Variants in BMPR1B observed in about 807,000 individuals in gnomAD.
BMPR1B encodes bone morphogenetic protein receptor type-1B.
A neutral mutation model predicts 59.1 loss-of-function variants in BMPR1B; 12 were observed. That is an observed-to-expected ratio of 0.20 (90% CI 0.13 to 0.33). The LOEUF (loss-of-function observed/expected upper bound fraction) is 0.33, where lower values mean the gene tolerates loss of function less well. Ranked by LOEUF, BMPR1B falls within the 10% of genes least tolerant of loss-of-function variation. The pLI is 1.00. For synonymous variants in BMPR1B, 237 were observed against 207.3 expected (o/e 1.14, Z -1.23); for missense variants, 550 against 610.9 (o/e 0.90, Z 1.05).
intron 2 of BMPR1B, among the ~76,000 whole-genome samples, chr4:94,958,178 A>G (rs1332609388): frequency 6.6e-6 from 1 of 152,320 alleles, no homozygotes; most frequent in East Asian, 1.9e-4. Flanking sequence ...TCTAGCATGT[A>G]TCTGTGAGAC....
intron 3 of BMPR1B, among the ~76,000 whole-genome samples, chr4:95,069,022 T>A (rs1211316116): frequency 6.6e-6 from 1 of 152,132 alleles, no homozygotes; most frequent in African/African-American, 2.4e-5. Context: ...GAAGCTTAGG[T>A]TTTTACCAAT....
In BMPR1B at chr4:95,063,930, A is replaced by G. The variant is rs992673559; in HGVS notation, c.-17-40478A>G. 4.6e-5 allele frequency among the ~76,000 whole-genome samples: 7 copies of G among 152,186 alleles called. No homozygotes were observed. The East Asian group carries it at 1.3e-3, about 29-fold the overall frequency. ...ATAGAGAATTGCAAGTTAAAATAAT[A>G]TGACATATCACATTATAGTCAGCAG... is the stretch of plus-strand genomic sequence containing the variant. On this transcript the variant is annotated intron_variant, in intron 3 of 12. Transcript: ENST00000515059.
rs1419582305 is a variant in BMPR1B, at chr4:95,143,976, T to C, written c.1077-4772T>C. On this transcript the variant is annotated intron_variant, in intron 10 of 12. Coordinates refer to ENST00000515059, the MANE Select transcript of BMPR1B (RefSeq NM_001203.3). ...TGTGATGGAAGATAGTACATAAAAT[T>C]TAGTCCACCTGGACATTTCTCCCAA... Among the ~76,000 whole-genome samples, 8 of 152,222 alleles carry C rather than the reference T, an allele frequency of 5.3e-5. No individual in the cohort carries two copies. In the East Asian group the frequency reaches 1.5e-3, roughly 29 times the overall value.
At chr4:94,808,576 G>A (rs191180045) in intron 1 of BMPR1B, among the ~76,000 whole-genome samples, 78 of 152,190 alleles carry the variant, frequency 5.1e-4, no homozygotes, top group Admixed American at 1.7e-3. Flanking sequence ...GCTAGTTGCC[G>A]GAAGTGAATT....
intron 2 of BMPR1B, among the ~76,000 whole-genome samples, chr4:94,881,090 A>C (rs1029979434): frequency 6.6e-6 from 1 of 152,222 alleles, no homozygotes; most frequent in Non-Finnish European, 1.5e-5. Context: ...ACCATTTTCA[A>C]GTATGTGGTT....
At chr4:94,990,168 C>T (rs755357999) in intron 2 of BMPR1B, among the ~76,000 whole-genome samples, 2 of 151,998 alleles carry the variant, frequency 1.3e-5, no homozygotes, top group African/African-American at 2.4e-5. Context: ...CCAGCCTGGC[C>T]AATATGGTGA....
At chr4:95,003,288 A>G (rs1474346663) in intron 3 of BMPR1B, among the ~76,000 whole-genome samples, 4 of 152,166 alleles carry the variant, frequency 2.6e-5, no homozygotes, top group Non-Finnish European at 4.4e-5. Flanking sequence ...CTTTTACTGA[A>G]TCGTTCTCCC....
intron 2 of BMPR1B, among the ~76,000 whole-genome samples, chr4:94,880,218 CAG>C (rs1726903610): frequency 6.6e-6 from 1 of 152,162 alleles, no homozygotes; most frequent in East Asian, 1.9e-4. Flanking sequence ...CAAGAATTGG[CAG>C]AGTTTCAGAG....
chr4:94,881,479 T>C (rs1578756263), intron 2 of BMPR1B, among the ~76,000 whole-genome samples: 2 of 152,046 alleles, frequency 1.3e-5, no homozygotes, highest in African/African-American at 4.8e-5. Context: ...TTTCAACTTT[T>C]TTTTTTTTTT....
At chr4:95,074,131 G>GT (rs1455835191) in intron 3 of BMPR1B, among the ~76,000 whole-genome samples, 8 of 151,626 alleles carry the variant, frequency 5.3e-5, no homozygotes, top group Non-Finnish European at 7.4e-5. Context: ...TGGAAATCCT[G>GT]TTTTTTTACT....
rs140970485 is a variant in BMPR1B, at chr4:95,115,686, A to T, written c.248A>T (p.Asp83Val). ...ATAGCTGTTTGGGTTCGATTATAGG[A>T]CACTCCCATTCCTCATCAAAGAAGA... is the stretch of plus-strand genomic sequence containing the variant. ...GLEGSDFQCR[D>V]TPIPHQRRSI... Residue 83 changes from aspartate to valine, a missense_variant and splice_region_variant, in exon 6 of 13, where the codon GAC becomes GTC. Asp to Val is a radical substitution (Grantham distance 152). This residue lies in a region of BMPR1B where 24 missense variants were observed against 20.3 expected (regional missense o/e 1.18). Transcript: ENST00000515059. 1 of 1,612,706 alleles carries T rather than the reference A, an allele frequency of 6.2e-7. No homozygotes were observed. The highest frequency in any genetic ancestry group is 8.5e-7 in the Non-Finnish European group (1 of 1,178,956).
chr4:94,829,327 C>CTTTTTTTTTTTTTTTT (rs35278466), intron 1 of BMPR1B, among the ~76,000 whole-genome samples: 2 of 136,940 alleles, frequency 1.5e-5, no homozygotes, highest in Non-Finnish European at 1.6e-5. Context: ...TTTTATTTTC[C>CTTTTTTTTTTTTTTTT]TTTTTTTTTT....
At chr4:94,886,104 C>G in intron 2 of BMPR1B, among the ~76,000 whole-genome samples, 1 of 151,804 alleles carries the variant, frequency 6.6e-6, no homozygotes, top group East Asian at 1.9e-4. Flanking sequence ...AGTGCTATGC[C>G]TAAGTTATAA....
In BMPR1B at chr4:95,124,195, T is replaced by G. The variant is rs1416576608; in HGVS notation, c.446+289T>G. On this transcript the variant is annotated intron_variant, in intron 7 of 12. Transcript: ENST00000515059. The stretch of plus-strand genomic sequence containing the variant: ...TCAGAGACTGGTTGTTACTTAGGTT[T>G]GATTCCAAGCAGAGAAATGGCCATG... 2.0e-5 allele frequency among the ~76,000 whole-genome samples: 3 copies of G among 152,082 alleles called. No homozygotes were observed. In the East Asian group the frequency reaches 5.8e-4, roughly 29 times the overall value.
intron 3 of BMPR1B, among the ~76,000 whole-genome samples, chr4:95,043,303 A>G (rs1250787131): frequency 6.6e-6 from 1 of 152,072 alleles, no homozygotes; most frequent in African/African-American, 2.4e-5. Flanking sequence ...CGCTAAAACC[A>G]AATAATAAAC....
At chr4:94,887,101 A>G (rs1727198883) in intron 2 of BMPR1B, among the ~76,000 whole-genome samples, 2 of 151,996 alleles carry the variant, frequency 1.3e-5, no homozygotes, top group African/African-American at 4.8e-5. Flanking sequence ...AAAGAAGGAA[A>G]AGGGTTAAAT....
At chr4:94,932,211 A>G (rs1047710363) in intron 2 of BMPR1B, among the ~76,000 whole-genome samples, 3 of 152,150 alleles carry the variant, frequency 2.0e-5, no homozygotes, top group African/African-American at 7.2e-5. Context: ...AGTGACTGCC[A>G]TAGTAACCAC....
At chr4:95,124,051 G>A (rs1007981939) in intron 7 of BMPR1B, 145 bp downstream of exon 7, 1 of 634,138 alleles carries the variant, frequency 1.6e-6, no homozygotes, top group Non-Finnish European at 2.7e-6. Flanking sequence ...GTCTGTTACT[G>A]TTGATAAATA....
At chr4:94,948,383 A>G (rs1729798125) in intron 2 of BMPR1B, among the ~76,000 whole-genome samples, 1 of 152,218 alleles carries the variant, frequency 6.6e-6, no homozygotes, top group Non-Finnish European at 1.5e-5. Flanking sequence ...GAGAGCAAGG[A>G]GGCATTCATA....
Sources: gnomAD v4.1 joint callset for allele counts (sites outside exome capture counted in the v4.1 genomes callset) on GRCh38, gnomAD v4.1.1 for gene constraint, gnomAD v4.1.1 regional missense constraint, MANE v1.5 for transcripts, NCBI Gene and HGNC (gene_info 2026-07-23, HGNC 2026-07-21) for gene names.